The following AOAH variants were observed in gnomAD, a reference collection of about 807,000 sequenced individuals.
AOAH encodes acyloxyacyl hydrolase (neutrophil).
AOAH carries 64 observed loss-of-function variants against 92.2 expected under a neutral mutation model. The observed-to-expected ratio is 0.69, with a 90% confidence interval of 0.57 to 0.86. The LOEUF is 0.86. AOAH is among the 40% of genes least tolerant of loss of function. AOAH has a pLI of 0.00. For missense variants in AOAH, 656 were observed against 694.6 expected (o/e 0.94, Z 0.62); for synonymous variants, 263 against 254.5 (o/e 1.03, Z -0.32).
At chr7:36,637,824 C>T in intron 5 of AOAH, 27 bp downstream of exon 5, 1 of 1,610,126 alleles carries the variant, frequency 6.2e-7, no homozygotes, top group Non-Finnish European at 8.5e-7. Context: ...AAGGAAAAGG[C>T]TGGCGTTCTA....
chr7:36,639,211 C>G (rs1038129717), intron 4 of AOAH, among the ~76,000 whole-genome samples: 5 of 152,276 alleles, frequency 3.3e-5, no homozygotes, highest in Admixed American at 3.3e-4. Flanking sequence ...TCTAGCAAAC[C>G]CTAAAATTCT....
intron 13 of AOAH, 86 bp from the exon 14 acceptor site, chr7:36,549,561 T>G (rs1429784076): frequency 1.1e-6 from 1 of 915,986 alleles, no homozygotes; most frequent in African/African-American, 1.7e-5. Flanking sequence ...ACTGAACTCA[T>G]GAAAGCGGCA....
At chr7:36,536,187 G>T (rs1785047680) in intron 16 of AOAH, among the ~76,000 whole-genome samples, 2 of 152,184 alleles carry the variant, frequency 1.3e-5, no homozygotes, top group African/African-American at 2.4e-5. Context: ...TGGTTGCTCA[G>T]GCTGAGTTCC....
intron 12 of AOAH, among the ~76,000 whole-genome samples, chr7:36,586,493 C>T (rs893805104): frequency 1.3e-5 from 2 of 152,176 alleles, no homozygotes; most frequent in Non-Finnish European, 2.9e-5. Context: ...GTAAGCCCTT[C>T]CAGTTTTCTT....
At chr7:36,609,683 CG>C (rs1791289187) in intron 11 of AOAH, among the ~76,000 whole-genome samples, 1 of 152,082 alleles carries the variant, frequency 6.6e-6, no homozygotes, top group Admixed American at 6.6e-5. Flanking sequence ...CTCCAGTTTG[CG>C]GGGGAGCGTG....
rs28582358 is a variant in AOAH, at chr7:36,722,138, A to C, written c.127+1884T>G. Among the ~76,000 whole-genome samples, 10 of 152,048 alleles carry C rather than the reference A, an allele frequency of 6.6e-5. No homozygotes were observed. In the East Asian group the frequency reaches 1.9e-3, roughly 29 times the overall value. On this transcript the variant is annotated intron_variant, in intron 1 of 20. Transcript: ENST00000617537. ...ACCTCCTAACCTCGGTCACTCCTACATGGAGAAGAAGAATCACCAGCCAGT... is the reference window on the plus strand; with the variant it reads ...ACCTCCTAACCTCGGTCACTCCTACCTGGAGAAGAAGAATCACCAGCCAGT...
chr7:36,656,347 G>C (rs767461515), intron 4 of AOAH, among the ~76,000 whole-genome samples: 1 of 152,158 alleles, frequency 6.6e-6, no homozygotes, highest in Non-Finnish European at 1.5e-5. Context: ...AGCCGGTGGC[G>C]ATAGACTTCA....
chr7:36,599,166 G>T (rs1010205500), intron 11 of AOAH, among the ~76,000 whole-genome samples: 1 of 152,190 alleles, frequency 6.6e-6, no homozygotes, highest in East Asian at 1.9e-4. Flanking sequence ...TTCCCTGTGT[G>T]TGGGTATGTG....
chr7:36,644,357 T>C (rs1794101953), intron 4 of AOAH, among the ~76,000 whole-genome samples: 1 of 152,084 alleles, frequency 6.6e-6, no homozygotes, highest in Admixed American at 6.5e-5. Context: ...TTAAAAAAGT[T>C]TGGGAAAACT....
chr7:36,516,436 AC>A lies in AOAH; in HGVS notation c.1600-3057del, dbSNP rs1003907828. ...ACACCCCCACAGAAAGCACGCAGAT[AC>A]CCCCCCCACACACACAGAAAGTGCA... On this transcript the variant is annotated intron_variant, in intron 20 of 20. Transcript: ENST00000617537. This position sits in a 1 kb window ranked among gnomAD's most constrained non-coding sequence, Gnocchi z 5.0. Among the ~76,000 whole-genome samples, 101 of 94,566 alleles carry A rather than the reference AC, an allele frequency of 1.1e-3. 15 individuals are homozygous for A. In the South Asian group the frequency reaches 0.014, roughly 13 times the overall value. 62.0% of individuals were successfully genotyped at this position (94,566 alleles called of 152,430 possible). A position where few individuals can be genotyped will look rare whatever the true frequency, so the allele number is the denominator to read the frequency against.
intron 2 of AOAH, among the ~76,000 whole-genome samples, chr7:36,683,312 C>T (rs1037884674): frequency 6.6e-6 from 1 of 152,200 alleles, no homozygotes; most frequent in Middle Eastern, 3.4e-3. Flanking sequence ...GAACTTTAGA[C>T]AACAATTCAA....
At chr7:36,593,969 G>T (rs1197909741) in intron 12 of AOAH, among the ~76,000 whole-genome samples, 1 of 152,208 alleles carries the variant, frequency 6.6e-6, no homozygotes, top group East Asian at 1.9e-4. Context: ...AAGCCAGGAT[G>T]ATTCTAGGAC....
intron 15 of AOAH, among the ~76,000 whole-genome samples, chr7:36,543,147 A>C (rs1292967808): frequency 6.6e-6 from 1 of 152,134 alleles, no homozygotes; most frequent in Admixed American, 6.5e-5. Flanking sequence ...CATGTTTTCC[A>C]TTGTCATGAA....
chr7:36,649,989 T>C (rs764791940), intron 4 of AOAH, among the ~76,000 whole-genome samples: 1 of 152,188 alleles, frequency 6.6e-6, no homozygotes, highest in African/African-American at 2.4e-5. Flanking sequence ...TGGTTTCTAA[T>C]AGAGCTATAA....
intron 1 of AOAH, among the ~76,000 whole-genome samples, chr7:36,710,868 AC>A (rs1397130953): frequency 1.3e-5 from 2 of 149,138 alleles, no homozygotes; most frequent in African/African-American, 4.9e-5. Flanking sequence ...GATAATCACA[AC>A]CCTTTTGTGT....
intron 3 of AOAH, among the ~76,000 whole-genome samples, chr7:36,663,511 T>C (rs1235857867): frequency 6.6e-6 from 1 of 152,212 alleles, no homozygotes; most frequent in Non-Finnish European, 1.5e-5. Flanking sequence ...ACGGATATCT[T>C]TGTAGTCTCC....
Position 36,514,201 on chromosome 7 carries a change from T to A in AOAH, c.1600-821A>T, listed in dbSNP as rs79854707. Among the ~76,000 whole-genome samples the A allele has an allele frequency of 5.9e-3, 898 of 151,938 alleles. 7 individuals carry two copies. Among genetic ancestry groups the A allele is most frequent in the African/African-American group, 0.02 (841 of 41,452 alleles). ...TCTCTGAAGAAGGTGGCGGCTGAGA[T>A]GAATTTTCTAGGAGTTCCCTAGATG... is the stretch of plus-strand genomic sequence containing the variant. On this transcript the variant is annotated intron_variant, in intron 20 of 20. Transcript: ENST00000617537.
At chr7:36,600,552 C>G (rs1039601505) in intron 11 of AOAH, among the ~76,000 whole-genome samples, 2 of 152,062 alleles carry the variant, frequency 1.3e-5, no homozygotes, top group Admixed American at 6.5e-5. Flanking sequence ...GCGCACACCA[C>G]TGCTTGGGAT....
At chr7:36,700,582 TTGA>T (rs1797969533) in intron 1 of AOAH, among the ~76,000 whole-genome samples, 1 of 152,156 alleles carries the variant, frequency 6.6e-6, no homozygotes, top group Admixed American at 6.6e-5. Context: ...CAATGATCCA[TTGA>T]TGGACACTTA....
Sources: gnomAD v4.1 joint callset for allele counts (sites outside exome capture counted in the v4.1 genomes callset) on GRCh38, gnomAD v4.1.1 for gene constraint, Gnocchi (gnomAD v3.1) non-coding constraint, MANE v1.5 for transcripts, NCBI Gene and HGNC (gene_info 2026-07-23, HGNC 2026-07-21) for gene names.